Variants in PTPN13 observed in about 807,000 individuals in gnomAD.
PTPN13 encodes the protein protein tyrosine phosphatase non-receptor type 13.
In PTPN13, 191 loss-of-function variants were observed where a neutral mutation model predicts 284.0. The ratio of observed to expected loss-of-function variants is 0.67; its 90% confidence interval spans 0.60 to 0.76. The LOEUF (loss-of-function observed/expected upper bound fraction) is 0.76. PTPN13 is among the 30% of genes least tolerant of loss of function. The probability of loss-of-function intolerance (pLI) is 0.00; values close to 1 mark genes in which losing one functional copy is unlikely to be tolerated. For synonymous variants in PTPN13, 986 were observed against 1,022.3 expected (o/e 0.96, Z 0.68); for missense variants, 2,797 against 2,939.9 (o/e 0.95, Z 1.12).
intron 2 of PTPN13, among the ~76,000 whole-genome samples, chr4:86,655,110 C>A (rs911202332): frequency 1.4e-4 from 21 of 152,112 alleles, no homozygotes; most frequent in Non-Finnish European, 2.9e-5. Flanking sequence ...CTTCCTGCGT[C>A]CCTTTATTTT....
intron 17 of PTPN13, 32 bp downstream of exon 17, chr4:86,745,160 C>A: frequency 6.4e-7 from 1 of 1,561,826 alleles, no homozygotes; most frequent in Admixed American, 2.0e-5. Context: ...CAGATGACTC[C>A]TGGGAATATG....
intron 24 of PTPN13, 74 bp downstream of exon 24, chr4:86,763,264 A>G: frequency 1.7e-6 from 2 of 1,194,822 alleles, no homozygotes; most frequent in South Asian, 1.5e-5. Context: ...TACAGAGCAC[A>G]ATAATCTACA....
At chr4:86,779,900 G>A (rs918234014) in intron 35 of PTPN13, among the ~76,000 whole-genome samples, 2 of 152,010 alleles carry the variant, frequency 1.3e-5, no homozygotes, top group Non-Finnish European at 2.9e-5. Context: ...AGAAAAACAC[G>A]TATCAAGGGC....
intron 6 of PTPN13, among the ~76,000 whole-genome samples, chr4:86,697,613 A>T (rs1730709873): frequency 6.6e-6 from 1 of 152,164 alleles, no homozygotes. Flanking sequence ...TAAGGTGGAA[A>T]CTTACACTAT....
intron 9 of PTPN13, among the ~76,000 whole-genome samples, chr4:86,718,965 G>A (rs959071982): frequency 2.0e-5 from 3 of 152,028 alleles, no homozygotes; most frequent in Non-Finnish European, 2.9e-5. Flanking sequence ...TATGCTTTAC[G>A]TTACAGTTTT....
chr4:86,741,043 A>C (rs536608071), intron 15 of PTPN13, among the ~76,000 whole-genome samples: 1 of 152,242 alleles, frequency 6.6e-6, no homozygotes, highest in Admixed American at 6.5e-5. Flanking sequence ...TATCACTATC[A>C]GCATTTTTGT....
At chr4:86,679,350 A>C (rs1728633724) in intron 3 of PTPN13, among the ~76,000 whole-genome samples, 1 of 152,184 alleles carries the variant, frequency 6.6e-6, no homozygotes, top group African/African-American at 2.4e-5. Context: ...AAGATTTGAT[A>C]TGGAAGGGAC....
chr4:86,767,261 T>C (rs1739436583), intron 27 of PTPN13, among the ~76,000 whole-genome samples: 1 of 144,496 alleles, frequency 6.9e-6, no homozygotes, highest in Admixed American at 6.9e-5. Context: ...TTTTTTTTAA[T>C]TGAGATGGAA....
rs1734472348 is a variant in PTPN13, at chr4:86,727,953, G to C, written c.1609-4447G>C. The stretch of plus-strand genomic sequence containing the variant: ...TCCTGCTTTCTCTTGTGGGCATTTA[G>C]TGCTATAAATTTCCCTCTACACACT... On this transcript the variant is annotated intron_variant, in intron 10 of 47. Transcript: ENST00000411767. Among the ~76,000 whole-genome samples the C allele has an allele frequency of 3.3e-5, 5 of 149,490 alleles. No individual in the cohort carries two copies. The South Asian group carries it at 8.5e-4, about 25-fold the overall frequency.
Position 86,814,586 on chromosome 4 carries a change from C to T in PTPN13, c.*35C>T, listed in dbSNP as rs780347074. 72 of 1,517,162 alleles carry T rather than the reference C, an allele frequency of 4.7e-5. No homozygotes were observed. In the Admixed American group the frequency reaches 1.2e-3, roughly 25 times the overall value. 94.0% of individuals were successfully genotyped at this position (1,517,162 alleles called of 1,614,324 possible). ...AGCCTCTGGATGCATTTCCATTTCT[C>T]TCCTTAACCTCCAGCAGACTCCTGC... On this transcript the variant is annotated 3_prime_UTR_variant, in exon 48 of 48. Transcript: ENST00000411767.
At chr4:86,692,213 A>G (rs1175120749) in intron 5 of PTPN13, among the ~76,000 whole-genome samples, 1 of 152,242 alleles carries the variant, frequency 6.6e-6, no homozygotes, top group African/African-American at 2.4e-5. Flanking sequence ...ATAGTAACTA[A>G]CTTCAATGCA....
intron 10 of PTPN13, among the ~76,000 whole-genome samples, chr4:86,722,891 G>T (rs1488428362): frequency 6.6e-6 from 1 of 152,106 alleles, no homozygotes; most frequent in Non-Finnish European, 1.5e-5. Flanking sequence ...TCACTTTCTG[G>T]TTAAAAGAGG....
At chr4:86,770,367 CAT>C (rs1484021838) in intron 30 of PTPN13, among the ~76,000 whole-genome samples, 168 bp downstream of exon 30, 3 of 151,968 alleles carry the variant, frequency 2.0e-5, no homozygotes, top group African/African-American at 7.3e-5. Flanking sequence ...GAATGTATTC[CAT>C]ATTTATATAA....
chr4:86,774,655 C>A, intron 33 of PTPN13, 124 bp downstream of exon 33: 1 of 776,352 alleles, frequency 1.3e-6, no homozygotes, highest in Non-Finnish European at 1.8e-6. Context: ...GTTTCCACCA[C>A]TTAAAAGTAA....
rs774668387 is a variant in PTPN13 at position 86,775,262 on chromosome 4, G to A, written c.5600G>A (p.Arg1867Gln). Residue 1867 changes from arginine to glutamine, a missense_variant, in exon 34 of 48, where the codon CGA becomes CAA. Arg to Gln is a conservative substitution (Grantham distance 43, BLOSUM62 1). Coordinates refer to ENST00000411767, the MANE Select transcript of PTPN13 (RefSeq NM_080683.3). ...AAAACAGTCAGATTAGTTATTGGACGAGTTCTAGAATTACCCAGAATACCA... is the reference window on the plus strand; with the variant it reads ...AAAACAGTCAGATTAGTTATTGGACAAGTTCTAGAATTACCCAGAATACCA... ...ASKTVRLVIG[R>Q]VLELPRIPML... The A allele has an allele frequency of 1.9e-6, 3 of 1,613,620 alleles. No homozygotes were observed. The highest frequency in any genetic ancestry group is 1.7e-5 in the Admixed American group (1 of 60,004).
intron 10 of PTPN13, among the ~76,000 whole-genome samples, chr4:86,729,451 AT>A (rs1287008290): frequency 6.7e-6 from 1 of 148,922 alleles, no homozygotes; most frequent in Non-Finnish European, 1.5e-5. Flanking sequence ...ACTTGATTCC[AT>A]TTTCCCTGTC....
In PTPN13 at chr4:86,775,613, T is replaced by TA. The variant is rs1345857900; in HGVS notation, c.5853dup (p.Asp1952ArgfsTer15). The TA allele has an allele frequency of 6.2e-7, 1 of 1,613,230 alleles. No individual in the cohort carries two copies. Among genetic ancestry groups the TA allele is most frequent in the Non-Finnish European group, 8.5e-7 (1 of 1,179,596 alleles). On this transcript the variant is annotated frameshift_variant, in exon 35 of 48. Transcript: ENST00000411767. LOFTEE classifies it high-confidence loss of function. ...ACCTTGGAGGAAGTTAACAGAGCATTAGACATGTCACTTCCTTCATTGGTA... is the reference window on the plus strand; with the variant it reads ...ACCTTGGAGGAAGTTAACAGAGCATTAAGACATGTCACTTCCTTCATTGGTA...
At chr4:86,749,048 A>C (rs17420607) in intron 17 of PTPN13, among the ~76,000 whole-genome samples, 22,074 of 152,184 alleles carry the variant, frequency 0.15, 2,022 homozygotes, top group East Asian at 0.29. Context: ...CTTCAGAGAG[A>C]GATCATTGAA....
chr4:86,754,945 C>T (rs1364365811), intron 20 of PTPN13, among the ~76,000 whole-genome samples: 1 of 151,998 alleles, frequency 6.6e-6, no homozygotes, highest in East Asian at 1.9e-4. Flanking sequence ...TGAATCTGGC[C>T]AAGTAGCCTG....
Sources: allele counts gnomAD v4.1 joint callset (sites outside exome capture counted in the v4.1 genomes callset), GRCh38; gene constraint gnomAD v4.1.1; transcripts MANE v1.5; gene names NCBI Gene and HGNC (gene_info 2026-07-23, HGNC 2026-07-21).